Variants in NRXN3 observed in about 807,000 individuals in gnomAD.
NRXN3 encodes the protein neurexin III.
Under a neutral mutation model 137.6 loss-of-function variants are expected in NRXN3, and 32 were observed. The ratio of observed to expected loss-of-function variants is 0.23; its 90% CI spans 0.18 to 0.31. The LOEUF (loss-of-function observed/expected upper bound fraction) is 0.31. Ranked by LOEUF, NRXN3 falls within the 10% of genes least tolerant of loss-of-function variation. The pLI, the probability that NRXN3 is intolerant of heterozygous loss-of-function variation, is 1.00. For missense variants in NRXN3, 1,574 were observed against 2,062.5 expected, an observed-to-expected ratio of 0.76 and a Z score of 4.59; for synonymous variants, 798 against 784.5, an observed-to-expected ratio of 1.02 and a Z score of -0.29.
chr14:79,419,220 T>C (rs1481869961), intron 15 of NRXN3, among the ~76,000 whole-genome samples: 1 of 152,190 alleles, frequency 6.6e-6, no homozygotes, highest in Non-Finnish European at 1.5e-5. Flanking sequence ...TATCTCTTTC[T>C]GTAATTCTTC....
chr14:79,500,834 A>T (rs991037583), intron 16 of NRXN3, among the ~76,000 whole-genome samples: 3 of 152,232 alleles, frequency 2.0e-5, no homozygotes, highest in African/African-American at 7.2e-5. Flanking sequence ...TCAGTTACAA[A>T]GGGAAACTTC....
At chr14:79,314,223 C>A (rs1428946646) in intron 15 of NRXN3, 3 of 136,046 alleles carry the variant, frequency 2.2e-5, no homozygotes, top group Non-Finnish European at 3.1e-5. Context: ...GTGCGCGAGC[C>A]GAAGCAGGGC....
chr14:78,290,359 C>T (rs570553014), intron 3 of NRXN3, among the ~76,000 whole-genome samples: 3 of 152,300 alleles, frequency 2.0e-5, no homozygotes, highest in East Asian at 3.9e-4. Context: ...TGTCTTCAGA[C>T]ACATCATTGA....
chr14:79,743,709 T>C (rs936450560), intron 19 of NRXN3, among the ~76,000 whole-genome samples: 1 of 152,192 alleles, frequency 6.6e-6, no homozygotes, highest in African/African-American at 2.4e-5. Flanking sequence ...TCTGCTTCTA[T>C]GATGTACTAT....
At chr14:78,664,570 A>G (rs1221926431) in intron 6 of NRXN3, among the ~76,000 whole-genome samples, 3 of 152,172 alleles carry the variant, frequency 2.0e-5, no homozygotes, top group South Asian at 4.2e-4. Context: ...TTAACCCTCT[A>G]CATTTGCATG....
At chr14:79,565,308 TACAC>T (rs1234959996) in intron 16 of NRXN3, among the ~76,000 whole-genome samples, 20 of 132,774 alleles carry the variant, frequency 1.5e-4, no homozygotes, top group Non-Finnish European at 2.2e-4. Context: ...TATATACATA[TACAC>T]ACACATGTGT....
intron 10 of NRXN3, among the ~76,000 whole-genome samples, chr14:78,932,833 G>T (rs2099326069): frequency 6.6e-6 from 1 of 152,076 alleles, no homozygotes; most frequent in Admixed American, 6.6e-5. Context: ...CAATGAAGTA[G>T]AACCCTGTAT....
intron 4 of NRXN3, among the ~76,000 whole-genome samples, chr14:78,575,779 G>A (rs975560672): frequency 6.6e-6 from 1 of 152,114 alleles, no homozygotes; most frequent in African/African-American, 2.4e-5. Context: ...GTTTAGGTAG[G>A]GTAAAGAAGA....
chr14:78,824,808 A>T (rs181335456), intron 10 of NRXN3, among the ~76,000 whole-genome samples: 1 of 152,350 alleles, frequency 6.6e-6, no homozygotes, highest in Admixed American at 6.5e-5. Flanking sequence ...ACTAAAAAAA[A>T]TACTAGGATT....
Position 79,092,945 on chromosome 14 carries a change from G to C in NRXN3, c.3262+104804G>C, listed in dbSNP as rs142149018. ...ACCCTGAGTACTGCTGGGCTTTGCAGATCCTAGAGTTGCGGGTTATGAGTG... is the reference window on the plus strand; with the variant it reads ...ACCCTGAGTACTGCTGGGCTTTGCACATCCTAGAGTTGCGGGTTATGAGTG... On this transcript the variant is annotated intron_variant, in intron 15 of 20. Coordinates refer to ENST00000335750, the MANE Select transcript of NRXN3 (RefSeq NM_001330195.2). Among the ~76,000 whole-genome samples, 324 of 152,294 alleles carry C rather than the reference G, an allele frequency of 2.1e-3. 2 individuals are homozygous for C. The highest frequency in any genetic ancestry group is 7.6e-3 in the African/African-American group (315 of 41,574).
rs111690091 is a variant in NRXN3, at chr14:79,158,270, C to G, written c.3262+170129C>G. On this transcript the variant is annotated intron_variant, in intron 15 of 20. Coordinates refer to ENST00000335750, the MANE Select transcript of NRXN3 (RefSeq NM_001330195.2). ...AAGTCTCTGCTAAGGCACCTCACAC[C>G]TTTCTAAATCACATAAGTTATAACT... Among the ~76,000 whole-genome samples, 259 of 151,886 alleles carry G rather than the reference C, an allele frequency of 1.7e-3. 1 individual carries two copies. Among genetic ancestry groups the G allele is most frequent in the African/African-American group, 5.6e-3 (234 of 41,486 alleles).
chr14:78,485,331 G>A (rs989728135), intron 4 of NRXN3, among the ~76,000 whole-genome samples: 4 of 152,180 alleles, frequency 2.6e-5, no homozygotes, highest in African/African-American at 9.7e-5. Context: ...TTCCCCCAGA[G>A]CCAAAGTTTA....
chr14:79,562,611 T>G (rs1360883622), intron 16 of NRXN3, among the ~76,000 whole-genome samples: 2 of 152,172 alleles, frequency 1.3e-5, no homozygotes, highest in Non-Finnish European at 2.9e-5. Context: ...CCTGTCTAAT[T>G]ACCAATGATA....
intron 4 of NRXN3, among the ~76,000 whole-genome samples, chr14:78,583,008 C>A (rs186598371): frequency 6.6e-6 from 1 of 152,178 alleles, no homozygotes; most frequent in Non-Finnish European, 1.5e-5. Context: ...TGGAATGCTG[C>A]TGAGATCCCA....
chr14:79,199,766 C>T (rs139365412), intron 15 of NRXN3, among the ~76,000 whole-genome samples: 21 of 152,238 alleles, frequency 1.4e-4, no homozygotes, highest in African/African-American at 5.1e-4. Context: ...TGGGGCCCAG[C>T]TTGAGCAAAG....
At chr14:78,550,509 G>T (rs2096677673) in intron 4 of NRXN3, among the ~76,000 whole-genome samples, 1 of 145,826 alleles carries the variant, frequency 6.9e-6, no homozygotes, top group African/African-American at 2.6e-5. Context: ...TGATAATTGT[G>T]TTTTAAAAGA....
intron 19 of NRXN3, among the ~76,000 whole-genome samples, chr14:79,761,617 C>T (rs982186621): frequency 2.8e-5 from 4 of 141,856 alleles, no homozygotes; most frequent in African/African-American, 8.4e-5. Context: ...GGCGTGAACC[C>T]GGGAGGCGGA....
At chr14:79,352,317 T>C (rs867045930) in intron 15 of NRXN3, among the ~76,000 whole-genome samples, 1 of 152,158 alleles carries the variant, frequency 6.6e-6, no homozygotes, top group Non-Finnish European at 1.5e-5. Flanking sequence ...CTAAATGTTA[T>C]GTTCTTTCAT....
intron 4 of NRXN3, among the ~76,000 whole-genome samples, chr14:78,560,789 C>T (rs971018739): frequency 2.6e-4 from 40 of 152,134 alleles, no homozygotes; most frequent in African/African-American, 8.7e-4. Flanking sequence ...AATTCCCTAC[C>T]GCTTTTGGCT....
Sources: gnomAD v4.1 joint callset for allele counts (sites outside exome capture counted in the v4.1 genomes callset) on GRCh38, gnomAD v4.1.1 for gene constraint, MANE v1.5 for transcripts, NCBI Gene and HGNC (gene_info 2026-07-23, HGNC 2026-07-21) for gene names.